MCTP1: variants seen among roughly 807,000 people sequenced by gnomAD.
MCTP1 encodes the protein multiple C2 and transmembrane domain containing 1, also known as multiple C2 and transmembrane domain-containing protein 1.
Under a neutral mutation model 120.6 loss-of-function variants are expected in MCTP1, and 69 were observed. The ratio of observed to expected loss-of-function variants is 0.57; its 90% CI spans 0.47 to 0.70. The LOEUF is 0.70. Ranked by LOEUF, MCTP1 falls within the 30% of genes least tolerant of loss-of-function variation. MCTP1 has a pLI of 0.00. For missense variants in MCTP1, 1,203 were observed against 1,248.8 expected, an observed-to-expected ratio of 0.96 and a Z score of 0.55; for synonymous variants, 529 against 493.1, an observed-to-expected ratio of 1.07 and a Z score of -0.96.
At chr5:94,973,155 T>C (rs899444500) in intron 2 of MCTP1, among the ~76,000 whole-genome samples, 3 of 152,204 alleles carry the variant, frequency 2.0e-5, no homozygotes, top group Admixed American at 2.0e-4. Flanking sequence ...TCAGAAAGAT[T>C]AGGCTGCTTG....
chr5:94,927,388 G>A (rs770661471), intron 6 of MCTP1, among the ~76,000 whole-genome samples: 1 of 152,000 alleles, frequency 6.6e-6, no homozygotes, highest in Non-Finnish European at 1.5e-5. Flanking sequence ...ACAGACAATG[G>A]CAAAGTAAAA....
chr5:94,986,880 G>A (rs2153607362), intron 2 of MCTP1, among the ~76,000 whole-genome samples: 1 of 152,158 alleles, frequency 6.6e-6, no homozygotes. Context: ...GTATCCTCAA[G>A]GGACTGGTTT....
chr5:94,953,024 T>C (rs1821011878), intron 3 of MCTP1, among the ~76,000 whole-genome samples, 195 bp downstream of exon 3: 1 of 151,616 alleles, frequency 6.6e-6, no homozygotes, highest in Non-Finnish European at 1.5e-5. Flanking sequence ...AAGAGAACTG[T>C]CCTGGAGAAG....
intron 1 of MCTP1, among the ~76,000 whole-genome samples, chr5:95,231,216 A>C (rs975055341): frequency 1.3e-5 from 2 of 152,194 alleles, no homozygotes; most frequent in Admixed American, 6.5e-5. Flanking sequence ...TACACTTAGA[A>C]TATCTTCACA....
At chr5:94,778,182 T>C (rs1479965945) in intron 19 of MCTP1, among the ~76,000 whole-genome samples, 1 of 151,798 alleles carries the variant, frequency 6.6e-6, no homozygotes, top group Non-Finnish European at 1.5e-5. Flanking sequence ...TTTCCTCCTT[T>C]CTTCAAAAAA....
At chr5:94,777,190 A>G (rs915026780) in intron 19 of MCTP1, among the ~76,000 whole-genome samples, 4 of 152,190 alleles carry the variant, frequency 2.6e-5, no homozygotes, top group African/African-American at 7.2e-5. Flanking sequence ...TCACACTGCA[A>G]TTTAAGCACT....
chr5:95,045,323 TCA>T (rs1205917700), intron 1 of MCTP1, among the ~76,000 whole-genome samples: 1 of 152,202 alleles, frequency 6.6e-6, no homozygotes, highest in South Asian at 2.1e-4. Context: ...TGTTTCCTTA[TCA>T]CAGTTTGGAA....
intron 17 of MCTP1, among the ~76,000 whole-genome samples, chr5:94,806,735 C>A (rs1172772593): frequency 1.3e-5 from 2 of 152,202 alleles, no homozygotes; most frequent in Non-Finnish European, 2.9e-5. Context: ...ATTAACACTT[C>A]CTACTGTTCA....
intron 1 of MCTP1, among the ~76,000 whole-genome samples, chr5:95,213,718 C>G (rs1228341421): frequency 6.6e-6 from 1 of 151,792 alleles, no homozygotes. Flanking sequence ...CACATATCTA[C>G]AACTATCTGA....
At chr5:94,998,587 G>A (rs769163940) in intron 2 of MCTP1, among the ~76,000 whole-genome samples, 14 of 152,132 alleles carry the variant, frequency 9.2e-5, no homozygotes, top group Non-Finnish European at 1.9e-4. Context: ...GAAGACATTG[G>A]GGGTCTTGCC....
chr5:94,925,704 C>T (rs1313214697), intron 6 of MCTP1, among the ~76,000 whole-genome samples: 4 of 152,252 alleles, frequency 2.6e-5, no homozygotes, highest in Admixed American at 1.3e-4. Context: ...CCACTGCGCC[C>T]GGCCAAAGTG....
intron 10 of MCTP1, among the ~76,000 whole-genome samples, chr5:94,896,994 T>G (rs1804172239): frequency 6.6e-6 from 1 of 152,164 alleles, no homozygotes; most frequent in Admixed American, 6.6e-5. Flanking sequence ...TAAGTAACCA[T>G]GCATCCCAGG....
chr5:95,209,096 C>T (rs1168456652), intron 1 of MCTP1, among the ~76,000 whole-genome samples: 1 of 152,144 alleles, frequency 6.6e-6, no homozygotes, highest in African/African-American at 2.4e-5. Context: ...ACAAGAACAT[C>T]CCACTAATCC....
At chr5:94,853,550 G>A (rs1794161937) in intron 17 of MCTP1, among the ~76,000 whole-genome samples, 1 of 151,876 alleles carries the variant, frequency 6.6e-6, no homozygotes, top group African/African-American at 2.4e-5. Context: ...GGTGCAATGA[G>A]GTTACCCAGC....
At chr5:95,224,338 G>A (rs545956711) in intron 1 of MCTP1, among the ~76,000 whole-genome samples, 15 of 152,130 alleles carry the variant, frequency 9.9e-5, no homozygotes, top group Non-Finnish European at 1.8e-4. Context: ...AGATTCATTC[G>A]TGCCTTGTCA....
intron 12 of MCTP1, among the ~76,000 whole-genome samples, chr5:94,878,043 G>A (rs1799285993): frequency 6.6e-6 from 1 of 151,996 alleles, no homozygotes; most frequent in African/African-American, 2.4e-5. Context: ...TTTATTTTGG[G>A]CCTACCTTGT....
intron 2 of MCTP1, among the ~76,000 whole-genome samples, chr5:94,990,858 A>C (rs1187484964): frequency 1.3e-5 from 2 of 150,182 alleles, no homozygotes; most frequent in African/African-American, 2.4e-5. Context: ...GGCACAGATA[A>C]ATCACAGAAA....
At chr5:95,093,008 G>A (rs1397493508) in intron 1 of MCTP1, among the ~76,000 whole-genome samples, 1 of 152,160 alleles carries the variant, frequency 6.6e-6, no homozygotes, top group Non-Finnish European at 1.5e-5. Flanking sequence ...GAATATCTAT[G>A]GTTTGGATTC....
intron 6 of MCTP1, chr5:94,931,723 A>T (rs1814736047): frequency 6.0e-6 from 3 of 499,956 alleles, no homozygotes; most frequent in South Asian, 5.9e-5. Context: ...AGATGCTGAG[A>T]ATGATGTTGA....
Sources: allele counts gnomAD v4.1 joint callset (sites outside exome capture counted in the v4.1 genomes callset), GRCh38; gene constraint gnomAD v4.1.1; transcripts MANE v1.5; gene names NCBI Gene and HGNC (gene_info 2026-07-23, HGNC 2026-07-21).